The following SHC4 variants were observed in gnomAD, a reference collection of about 807,000 sequenced individuals.
The protein encoded by SHC4 is SHC-transforming protein 4.
A neutral mutation model predicts 69.4 loss-of-function variants in SHC4; 41 were observed. The ratio of observed to expected loss-of-function variants is 0.59; its 90% CI spans 0.46 to 0.77. The LOEUF is 0.77. SHC4 is among the 30% of genes least tolerant of loss of function. The pLI is 0.00. For synonymous variants in SHC4, 318 were observed against 299.3 expected (o/e 1.06, Z -0.64); for missense variants, 777 against 783.8 (o/e 0.99, Z 0.10).
intron 2 of SHC4, among the ~76,000 whole-genome samples, chr15:48,903,103 A>C (rs1900345601): frequency 2.6e-5 from 4 of 152,238 alleles, no homozygotes; most frequent in Non-Finnish European, 4.4e-5. Flanking sequence ...CATACACTAC[A>C]GTACACATTT....
chr15:48,856,363 T>C (rs1899316170), intron 7 of SHC4, among the ~76,000 whole-genome samples: 1 of 152,208 alleles, frequency 6.6e-6, no homozygotes, highest in African/African-American at 2.4e-5. Flanking sequence ...GATGCTTTTG[T>C]GTCTCCTCCA....
intron 2 of SHC4, among the ~76,000 whole-genome samples, chr15:48,909,064 G>GT (rs1210826602): frequency 1.3e-5 from 2 of 152,154 alleles, no homozygotes; most frequent in East Asian, 3.9e-4. Flanking sequence ...TTTTAGAATT[G>GT]TTTTTTCTAA....
At chr15:48,837,734 G>A (rs1464540299) in intron 10 of SHC4, among the ~76,000 whole-genome samples, 1 of 152,038 alleles carries the variant, frequency 6.6e-6, no homozygotes, top group East Asian at 1.9e-4. Flanking sequence ...AGTTCCTATT[G>A]GCACTTAAAG....
At chr15:48,856,758 G>C (rs1025417038) in intron 7 of SHC4, among the ~76,000 whole-genome samples, 20 of 147,472 alleles carry the variant, frequency 1.4e-4, no homozygotes, top group Non-Finnish European at 2.5e-4. Context: ...ATTGGAATCA[G>C]GGAAAGTTTC....
intron 11 of SHC4, among the ~76,000 whole-genome samples, chr15:48,828,623 G>A (rs1246810610): frequency 2.6e-5 from 4 of 152,076 alleles, no homozygotes; most frequent in Non-Finnish European, 5.9e-5. Flanking sequence ...CACCAATAGT[G>A]CACGAGGGCA....
At chr15:48,926,614 C>T (rs1900859083) in intron 1 of SHC4, among the ~76,000 whole-genome samples, 1 of 152,094 alleles carries the variant, frequency 6.6e-6, no homozygotes, top group Admixed American at 6.5e-5. Flanking sequence ...AGGCGCATGC[C>T]ACTGCACCTG....
chr15:48,930,056 G>A (rs959745144), intron 1 of SHC4, among the ~76,000 whole-genome samples: 1 of 152,120 alleles, frequency 6.6e-6, no homozygotes, highest in African/African-American at 2.4e-5. Context: ...CTTATGGGAA[G>A]TCTCATCCTA....
At chr15:48,876,450 TATAC>T (rs199822401) in intron 4 of SHC4, 3,703 of 319,860 alleles carry the variant, frequency 0.012, 98 homozygotes, top group East Asian at 0.077. Context: ...TACATATATA[TATAC>T]ACACACACAC....
chr15:48,957,687 A>C (rs1901477714), intron 1 of SHC4, among the ~76,000 whole-genome samples: 1 of 152,216 alleles, frequency 6.6e-6, no homozygotes, highest in South Asian at 2.1e-4. Flanking sequence ...TTTTGGGTTG[A>C]ATTATGTCCA....
At position 48,884,373 on chromosome 15, in the gene SHC4, A is replaced by G; in HGVS notation, c.721-6T>C. 2 of 1,572,772 alleles carry G rather than the reference A, an allele frequency of 1.3e-6. No homozygotes were observed. The highest frequency in any genetic ancestry group is 4.1e-5 in the Admixed American group (2 of 48,638). On this transcript the variant is annotated splice_polypyrimidine_tract_variant and splice_region_variant and intron_variant, in intron 3 of 11. Coordinates refer to ENST00000332408, the MANE Select transcript of SHC4 (RefSeq NM_203349.4). ...GATAGGAACTTAACTGGAGGCTTTA[A>G]AAATTAAAGAAGAAAAACAAAACAC... is the stretch of plus-strand genomic sequence containing the variant.
chr15:48,843,745 A>T (rs1190361434), intron 9 of SHC4, among the ~76,000 whole-genome samples, 157 bp from the exon 10 acceptor site: 2 of 152,206 alleles, frequency 1.3e-5, no homozygotes, highest in Non-Finnish European at 2.9e-5. Flanking sequence ...GGAAAATCAA[A>T]ATAAGCACCA....
At chr15:48,951,452 G>A (rs1447167141) in intron 1 of SHC4, among the ~76,000 whole-genome samples, 1 of 151,858 alleles carries the variant, frequency 6.6e-6, no homozygotes, top group Non-Finnish European at 1.5e-5. Context: ...TCTTCCTAAA[G>A]CATATCTCTG....
At chr15:48,828,217 TACA>T (rs1217965716) in intron 11 of SHC4, among the ~76,000 whole-genome samples, 2 of 152,092 alleles carry the variant, frequency 1.3e-5, no homozygotes, top group South Asian at 2.1e-4. Flanking sequence ...AACTGTTAAG[TACA>T]ACGTTATACA....
intron 10 of SHC4, among the ~76,000 whole-genome samples, chr15:48,839,035 A>C (rs1898946300): frequency 1.3e-5 from 2 of 152,272 alleles, no homozygotes; most frequent in South Asian, 2.1e-4. Context: ...TGAAAACAAA[A>C]AACAACAGAG....
chr15:48,945,339 A>G (rs1202775696), intron 1 of SHC4, among the ~76,000 whole-genome samples: 1 of 149,528 alleles, frequency 6.7e-6, no homozygotes, highest in Non-Finnish European at 1.5e-5. Context: ...AAAAAAGGAG[A>G]TTGAATTCCA....
intron 2 of SHC4, among the ~76,000 whole-genome samples, chr15:48,912,792 G>T (rs1384861749): frequency 6.6e-6 from 1 of 152,202 alleles, no homozygotes; most frequent in Non-Finnish European, 1.5e-5. Flanking sequence ...TTCCCTTGAT[G>T]TAGTTCTCTC....
intron 1 of SHC4, among the ~76,000 whole-genome samples, chr15:48,948,477 A>C (rs1417936514): frequency 6.6e-6 from 1 of 152,222 alleles, no homozygotes; most frequent in African/African-American, 2.4e-5. Flanking sequence ...CAATATGTCC[A>C]CACTTTCGGC....
At chr15:48,865,736 C>T (rs576528523) in intron 6 of SHC4, among the ~76,000 whole-genome samples, 1 of 152,274 alleles carries the variant, frequency 6.6e-6, no homozygotes, top group South Asian at 2.1e-4. Context: ...CTGTCCCTCA[C>T]CTCCCATCCA....
In SHC4 at chr15:48,825,193, A is replaced by T. The variant is rs1407727561; in HGVS notation, c.*778T>A. On this transcript the variant is annotated 3_prime_UTR_variant, in exon 12 of 12. Transcript: ENST00000332408. ...TTTTGTTTTTTGTCTTTTTAGCAGG[A>T]AGAGGGGGAGAATATAATGAAATCA... 1.3e-5 allele frequency: 2 copies of T among 151,608 alleles called. No individual in the cohort carries two copies. Among genetic ancestry groups the T allele is most frequent in the African/African-American group, 2.4e-5 (1 of 41,190 alleles). 9.4% of individuals were successfully genotyped at this position (151,608 alleles called of 1,614,324 possible).
Sources: allele counts gnomAD v4.1 joint callset (sites outside exome capture counted in the v4.1 genomes callset), GRCh38; gene constraint gnomAD v4.1.1; transcripts MANE v1.5; gene names NCBI Gene and HGNC (gene_info 2026-07-23, HGNC 2026-07-21).